Variants in HPSE2 observed in about 807,000 individuals in gnomAD.
The protein encoded by HPSE2 is inactive heparanase-2.
A neutral mutation model predicts 60.5 loss-of-function variants in HPSE2; 38 were observed. That is an observed-to-expected ratio of 0.63 (90% CI 0.48 to 0.82). The LOEUF is 0.82. HPSE2 is among the 40% of genes least tolerant of loss of function. The pLI is 0.00. For missense variants in HPSE2, 713 were observed against 740.4 expected, an observed-to-expected ratio of 0.96 and a Z score of 0.43; for synonymous variants, 295 against 293.2, an observed-to-expected ratio of 1.01 and a Z score of -0.06.
At chr10:99,082,564 C>T (rs189327638) in intron 3 of HPSE2, among the ~76,000 whole-genome samples, 5 of 152,258 alleles carry the variant, frequency 3.3e-5, no homozygotes, top group Admixed American at 3.3e-4. Context: ...CCAGCCTCAG[C>T]TACATTGTTA....
intron 3 of HPSE2, among the ~76,000 whole-genome samples, chr10:98,983,153 C>A (rs1482277890): frequency 1.3e-5 from 2 of 152,154 alleles, no homozygotes; most frequent in Non-Finnish European, 2.9e-5. Context: ...ATGGTTGCGG[C>A]ATCATTCAAG....
intron 9 of HPSE2, among the ~76,000 whole-genome samples, chr10:98,525,038 T>G (rs895064474): frequency 1.3e-5 from 2 of 152,214 alleles, no homozygotes; most frequent in African/African-American, 4.8e-5. Flanking sequence ...CAGATAGAAT[T>G]TCACTCTTGT....
intron 1 of HPSE2, among the ~76,000 whole-genome samples, chr10:99,233,970 T>C (rs563554944): frequency 1.4e-4 from 21 of 152,196 alleles, no homozygotes; most frequent in African/African-American, 3.9e-4. Flanking sequence ...AGGAAAGCAT[T>C]AGGCGAACAG....
upstream of HPSE2, among the ~76,000 whole-genome samples, chr10:99,240,593 T>C (rs997385560): frequency 2.6e-5 from 4 of 151,962 alleles, no homozygotes; most frequent in Non-Finnish European, 5.9e-5. Context: ...TTGTATTTTT[T>C]AGTGGAGACA....
intron 3 of HPSE2, among the ~76,000 whole-genome samples, chr10:98,802,967 T>A (rs1254365814): frequency 4.1e-5 from 6 of 145,916 alleles, no homozygotes; most frequent in Non-Finnish European, 7.5e-5. Context: ...TTTCTCCACA[T>A]CCTCTCCAGC....
At chr10:98,960,189 T>G (rs2135228325) in intron 3 of HPSE2, among the ~76,000 whole-genome samples, 1 of 152,254 alleles carries the variant, frequency 6.6e-6, no homozygotes, top group South Asian at 2.1e-4. Context: ...TTGCTTTTTC[T>G]GAATTTCTGA....
chr10:99,232,783 G>A (rs1849703511), intron 1 of HPSE2, among the ~76,000 whole-genome samples: 1 of 152,256 alleles, frequency 6.6e-6, no homozygotes, highest in Non-Finnish European at 1.5e-5. Flanking sequence ...AAAGGCTACA[G>A]ATAGTGTTTG....
At chr10:98,605,547 G>A (rs1945555937) in intron 9 of HPSE2, among the ~76,000 whole-genome samples, 2 of 152,162 alleles carry the variant, frequency 1.3e-5, no homozygotes, top group African/African-American at 2.4e-5. Flanking sequence ...TCTGATGACA[G>A]GTGACAGAGA....
chr10:98,542,429 C>T (rs1943504076), intron 9 of HPSE2, among the ~76,000 whole-genome samples: 1 of 152,152 alleles, frequency 6.6e-6, no homozygotes, highest in Non-Finnish European at 1.5e-5. Flanking sequence ...GCCTCTCCTC[C>T]TCCAAAGGAA....
chr10:98,690,666 C>G (rs1948055269), intron 6 of HPSE2, among the ~76,000 whole-genome samples: 1 of 151,790 alleles, frequency 6.6e-6, no homozygotes, highest in East Asian at 1.9e-4. Flanking sequence ...CTTTTTTGGT[C>G]ATAAGCCAGT....
At chr10:98,514,190 G>T (rs935069119) in intron 9 of HPSE2, among the ~76,000 whole-genome samples, 2 of 152,052 alleles carry the variant, frequency 1.3e-5, no homozygotes, top group Non-Finnish European at 2.9e-5. Flanking sequence ...GACAAATGTT[G>T]TATGATTCCA....
In HPSE2 at chr10:98,470,240, A is replaced by C. The variant is rs531374117; in HGVS notation, c.1614-10501T>G. ...CTTTTGACAAAGTATTCCCCATGAC[A>C]TCAGGTGTACTGGTATAATCTCAAA... On this transcript the variant is annotated intron_variant, in intron 11 of 11. Coordinates refer to ENST00000370552, the MANE Select transcript of HPSE2 (RefSeq NM_021828.5). Among the ~76,000 whole-genome samples, 27 of 152,348 alleles carry C rather than the reference A, an allele frequency of 1.8e-4. No individual in the cohort carries two copies. The South Asian group carries it at 3.7e-3, about 21-fold the overall frequency.
At chr10:99,130,435 C>T (rs1303636768) in intron 3 of HPSE2, among the ~76,000 whole-genome samples, 1 of 152,112 alleles carries the variant, frequency 6.6e-6, no homozygotes, top group Non-Finnish European at 1.5e-5. Flanking sequence ...ACACTATGAT[C>T]AAGTGGGTTT....
intron 6 of HPSE2, among the ~76,000 whole-genome samples, chr10:98,657,294 G>A (rs936663472): frequency 3.4e-5 from 5 of 148,720 alleles, no homozygotes; most frequent in African/African-American, 4.9e-5. Context: ...CTTCAGTTTC[G>A]TATCCTGCTT....
the HPSE2 span, among the ~76,000 whole-genome samples, chr10:99,265,151 A>G: frequency 2.0e-5 from 3 of 152,114 alleles, no homozygotes; most frequent in African/African-American, 7.2e-5. Context: ...GCCGCACCCT[A>G]ACTGACACGA....
chr10:98,727,229 A>G (rs80127737), intron 4 of HPSE2, among the ~76,000 whole-genome samples: 2,264 of 152,322 alleles, frequency 0.015, 27 homozygotes, highest in Non-Finnish European at 0.026. Flanking sequence ...AGTTTTCAAC[A>G]AAAAAGCTAT....
chr10:99,221,886 G>A (rs774845007), intron 2 of HPSE2, among the ~76,000 whole-genome samples: 5 of 152,060 alleles, frequency 3.3e-5, no homozygotes, highest in Admixed American at 1.3e-4. Flanking sequence ...AAGGGATGTC[G>A]GTGAAGGTTT....
the HPSE2 span, among the ~76,000 whole-genome samples, chr10:99,294,151 C>A: frequency 6.6e-6 from 1 of 151,848 alleles, no homozygotes; most frequent in African/African-American, 2.4e-5. Context: ...AATAAGATTG[C>A]ACCTAAATTA....
At chr10:99,046,738 G>A (rs960967625) in intron 3 of HPSE2, among the ~76,000 whole-genome samples, 1 of 152,112 alleles carries the variant, frequency 6.6e-6, no homozygotes, top group African/African-American at 2.4e-5. Context: ...CAGCCACAAA[G>A]AAAATGAAAT....
Sources: gnomAD v4.1 joint callset for allele counts (sites outside exome capture counted in the v4.1 genomes callset) on GRCh38, gnomAD v4.1.1 for gene constraint, MANE v1.5 for transcripts, NCBI Gene and HGNC (gene_info 2026-07-23, HGNC 2026-07-21) for gene names.